KIAA1217: variants seen among roughly 807,000 people sequenced by gnomAD.
The protein encoded by KIAA1217 is KIAA1217.
In KIAA1217, 88 loss-of-function variants were observed where a neutral mutation model predicts 163.9. The observed-to-expected ratio is 0.54, with a 90% confidence interval of 0.45 to 0.64. The LOEUF is 0.64. KIAA1217 is among the 30% of genes least tolerant of loss of function. KIAA1217 has a pLI of 0.00. For missense variants in KIAA1217, 2,372 were observed against 2,475.0 expected, an observed-to-expected ratio of 0.96 and a Z score of 0.88; for synonymous variants, 903 against 923.1, an observed-to-expected ratio of 0.98 and a Z score of 0.39.
At chr10:23,964,277 C>T (rs1050598025) in intron 1 of KIAA1217, among the ~76,000 whole-genome samples, 2 of 150,368 alleles carry the variant, frequency 1.3e-5, no homozygotes, top group African/African-American at 4.9e-5. Flanking sequence ...GTCTTTTGCC[C>T]ACTTTTTGAT....
At chr10:24,008,778 AG>A (rs749970612) in intron 2 of KIAA1217, among the ~76,000 whole-genome samples, 5 of 152,202 alleles carry the variant, frequency 3.3e-5, no homozygotes, top group Non-Finnish European at 7.3e-5. Flanking sequence ...GCCAGGGATC[AG>A]ACATTCCTAC....
intron 2 of KIAA1217, among the ~76,000 whole-genome samples, chr10:24,363,537 T>C (rs1483790252): frequency 6.6e-6 from 1 of 150,710 alleles, no homozygotes; most frequent in Admixed American, 6.7e-5. Context: ...CTCAGTAACA[T>C]TCCTTTAGTT....
rs148213717 is a variant in KIAA1217, at chr10:24,543,892, C to G, written c.4622C>G (p.Thr1541Arg). 4 of 1,613,904 alleles carry G rather than the reference C, an allele frequency of 2.5e-6. No individual in the cohort carries two copies. The African/African-American group carries it at 4.0e-5, about 16-fold the overall frequency. Reference protein sequence around the residue: ...RNPGGQEMNRTELNKFSHVDS... With the variant: ...RNPGGQEMNRRELNKFSHVDS... ...CCAGGAGGACAGGAAATGAACAGAA[C>G]GGAGCTGAACAAGTTCAGCCACGTG... The change falls in exon 19 of 21, where the codon ACG becomes AGG. Residue 1541 changes from threonine (T) to arginine (R), a missense_variant. Coordinates refer to ENST00000376454, the MANE Select transcript of KIAA1217 (RefSeq NM_019590.5).
At chr10:24,308,833 G>A (rs1232929447) in intron 2 of KIAA1217, among the ~76,000 whole-genome samples, 1 of 152,052 alleles carries the variant, frequency 6.6e-6, no homozygotes, top group Admixed American at 6.6e-5. Flanking sequence ...TGAATGAATG[G>A]CATTGGTGGC....
intron 1 of KIAA1217, among the ~76,000 whole-genome samples, chr10:23,978,525 C>T (rs147259148): frequency 0.022 from 3,332 of 152,240 alleles, 48 homozygotes; most frequent in Middle Eastern, 0.071. Flanking sequence ...GCCAGGCTTT[C>T]GTATGACCCT....
At chr10:23,822,772 A>G (rs1193797772) in intron 1 of KIAA1217, among the ~76,000 whole-genome samples, 1 of 152,216 alleles carries the variant, frequency 6.6e-6, no homozygotes, top group Non-Finnish European at 1.5e-5. Context: ...TTTCCCACAG[A>G]GTTTTGTAAG....
chr10:24,248,884 A>G (rs1400205127), intron 2 of KIAA1217, among the ~76,000 whole-genome samples: 1 of 152,144 alleles, frequency 6.6e-6, no homozygotes, highest in African/African-American at 2.4e-5. Flanking sequence ...TTTTTCTTTT[A>G]TAGCAAGACA....
intron 1 of KIAA1217, among the ~76,000 whole-genome samples, chr10:23,870,311 G>A (rs529099814): frequency 6.6e-6 from 1 of 151,976 alleles, no homozygotes; most frequent in East Asian, 1.9e-4. Flanking sequence ...CCTGCTCACT[G>A]CTTGGCCATA....
At chr10:24,324,728 G>A (rs779668678) in intron 2 of KIAA1217, among the ~76,000 whole-genome samples, 11 of 152,186 alleles carry the variant, frequency 7.2e-5, no homozygotes, top group Non-Finnish European at 1.5e-4. Context: ...AGGGATCTTT[G>A]TATTATATCT....
At chr10:24,092,770 G>C (rs2061982619) in intron 2 of KIAA1217, among the ~76,000 whole-genome samples, 1 of 151,714 alleles carries the variant, frequency 6.6e-6, no homozygotes, top group Admixed American at 6.6e-5. Flanking sequence ...AACTACTATG[G>C]GATAGCATGG....
intron 17 of KIAA1217, among the ~76,000 whole-genome samples, chr10:24,541,702 G>A (rs2075116496): frequency 6.6e-6 from 1 of 152,212 alleles, no homozygotes; most frequent in Non-Finnish European, 1.5e-5. Context: ...GGAAAGGCCA[G>A]GCCTCCAGGT....
intron 1 of KIAA1217, among the ~76,000 whole-genome samples, chr10:23,891,273 AT>A (rs920506315): frequency 1.3e-5 from 2 of 151,696 alleles, no homozygotes; most frequent in African/African-American, 4.8e-5. Flanking sequence ...ACATCTTGCT[AT>A]TTTTTTCCCT....
chr10:24,495,154 A>G lies in KIAA1217; in HGVS notation c.1792A>G (p.Met598Val). 1 of 1,612,928 alleles carries G rather than the reference A, an allele frequency of 6.2e-7. No homozygotes were observed. ...SYSKDASSEK[M>V]MKTTANRNHT... is the part of the protein sequence containing the mutation. ...TCTTTTTCTTTTATTCAGCGAGAAA[A>G]TGATGAAAACCACAGCCAACAGGAA... Residue 598 changes from methionine to valine, a missense_variant, in exon 8 of 21, where the codon ATG becomes GTG. Coordinates refer to ENST00000376454, the MANE Select transcript of KIAA1217 (RefSeq NM_019590.5).
intron 2 of KIAA1217, among the ~76,000 whole-genome samples, chr10:24,220,372 A>G (rs1226329764): frequency 6.6e-6 from 1 of 152,002 alleles, no homozygotes; most frequent in African/African-American, 2.4e-5. Flanking sequence ...AGGGTAAAAT[A>G]GATCTTACAG....
At chr10:23,890,613 T>A (rs374630601) in intron 1 of KIAA1217, among the ~76,000 whole-genome samples, 1 of 151,974 alleles carries the variant, frequency 6.6e-6, no homozygotes, top group Non-Finnish European at 1.5e-5. Context: ...GCTCACATAC[T>A]CTGTCAGTTT....
chr10:24,036,986 C>A (rs374193889), intron 2 of KIAA1217, among the ~76,000 whole-genome samples: 4 of 152,284 alleles, frequency 2.6e-5, no homozygotes, highest in African/African-American at 9.6e-5. Flanking sequence ...GAGGTGCTGA[C>A]AGTGAAATCG....
chr10:23,976,370 C>A (rs563174732), intron 1 of KIAA1217, among the ~76,000 whole-genome samples: 3 of 152,278 alleles, frequency 2.0e-5, no homozygotes, highest in Non-Finnish European at 4.4e-5. Context: ...TATAAATGGT[C>A]TATTCTCAAA....
rs1012125050 is a variant in KIAA1217, at chr10:23,726,979, C to CTTTTTTTTTTTTTTTT, written c.-321+31756_-321+31771dup. Reference sequence around the variant, plus strand: ...ATTTCCATGCCATTTGTATAGGCCTCTTTTTTTTTTTTTTTTTTTTTTTTT... The same window carrying CTTTTTTTTTTTTTTTT: ...ATTTCCATGCCATTTGTATAGGCCTCTTTTTTTTTTTTTTTTTTTTTTTTTTTTTTTTTTTTTTTTT... On this transcript the variant is annotated intron_variant, in intron 1 of 18. Coordinates refer to the KIAA1217 transcript ENST00000376462. Among the ~76,000 whole-genome samples, 14 of 93,414 alleles carry CTTTTTTTTTTTTTTTT rather than the reference C, an allele frequency of 1.5e-4. 2 individuals are homozygous for CTTTTTTTTTTTTTTTT. Among genetic ancestry groups the CTTTTTTTTTTTTTTTT allele is most frequent in the African/African-American group, 6.8e-4 (14 of 20,684 alleles). The allele number at this position is 93,414 out of a possible 152,430, so 61.3% of individuals were successfully genotyped here.
chr10:23,824,500 G>GTAAGT (rs1460552082), intron 1 of KIAA1217, among the ~76,000 whole-genome samples: 4 of 144,976 alleles, frequency 2.8e-5, no homozygotes, highest in East Asian at 4.0e-4. Flanking sequence ...TGGTGACATG[G>GTAAGT]GCCTCTAATC....
Sources: gnomAD v4.1 joint callset for allele counts (sites outside exome capture counted in the v4.1 genomes callset) on GRCh38, gnomAD v4.1.1 for gene constraint, MANE v1.5 for transcripts, NCBI Gene and HGNC (gene_info 2026-07-23, HGNC 2026-07-21) for gene names.